CAMK1D: variants seen among roughly 807,000 people sequenced by gnomAD.
CAMK1D encodes the protein calcium/calmodulin dependent protein kinase ID.
CAMK1D carries 9 observed loss-of-function variants against 47.7 expected under a neutral mutation model. The observed-to-expected ratio is 0.19, with a 90% CI of 0.11 to 0.33. The LOEUF (loss-of-function observed/expected upper bound fraction) is 0.33. CAMK1D is among the 10% of genes least tolerant of loss of function. The pLI is 1.00. For missense variants in CAMK1D, 291 were observed against 488.7 expected (o/e 0.60, Z 3.81); for synonymous variants, 184 against 184.9 (o/e 0.99, Z 0.04).
chr10:12,390,227 T>C (rs959638894), intron 1 of CAMK1D, among the ~76,000 whole-genome samples: 10 of 152,110 alleles, frequency 6.6e-5, no homozygotes, highest in African/African-American at 2.4e-4. Flanking sequence ...TATAAAGTAG[T>C]TGTCTCTATT....
At chr10:12,430,860 C>T (rs935611826) in intron 1 of CAMK1D, among the ~76,000 whole-genome samples, 13 of 120,652 alleles carry the variant, frequency 1.1e-4, no homozygotes, top group African/African-American at 2.9e-5. Flanking sequence ...AACCGATTCT[C>T]CTGCTTCACC....
At chr10:12,368,403 TA>T (rs918679371) in intron 1 of CAMK1D, among the ~76,000 whole-genome samples, 2,147 of 142,820 alleles carry the variant, frequency 0.015, 52 homozygotes, top group African/African-American at 0.05. Flanking sequence ...AAGACCCTAT[TA>T]AAAAAAAAAA....
chr10:12,668,970 G>A (rs1202730588), intron 3 of CAMK1D, among the ~76,000 whole-genome samples: 1 of 151,900 alleles, frequency 6.6e-6, no homozygotes, highest in South Asian at 2.1e-4. Context: ...GGTGGCTCAC[G>A]CCTGCAATCC....
chr10:12,739,442 ATTT>A (rs1186963710), intron 3 of CAMK1D, among the ~76,000 whole-genome samples: 1,314 of 127,696 alleles, frequency 0.01, 19 homozygotes, highest in African/African-American at 0.037. Flanking sequence ...CACCCGGCTA[ATTT>A]TTTTTTTTTT....
At chr10:12,567,126 G>A (rs938025609) in intron 2 of CAMK1D, among the ~76,000 whole-genome samples, 2 of 152,172 alleles carry the variant, frequency 1.3e-5, no homozygotes, top group Non-Finnish European at 2.9e-5. Context: ...ACTACTTCTC[G>A]GAAGTGCAGT....
At chr10:12,801,897 C>T (rs1022974736) in intron 6 of CAMK1D, among the ~76,000 whole-genome samples, 2 of 152,208 alleles carry the variant, frequency 1.3e-5, no homozygotes, top group Non-Finnish European at 2.9e-5. Flanking sequence ...CAGTGTCACT[C>T]ACACAGTTCC....
At chr10:12,670,736 A>G (rs558553986) in intron 3 of CAMK1D, among the ~76,000 whole-genome samples, 1 of 152,116 alleles carries the variant, frequency 6.6e-6, no homozygotes, top group South Asian at 2.1e-4. Flanking sequence ...TTTAGTAGAG[A>G]TGGGGTTTCA....
intron 3 of CAMK1D, among the ~76,000 whole-genome samples, chr10:12,703,386 CAGA>C (rs1307272767): frequency 6.6e-6 from 1 of 152,176 alleles, no homozygotes; most frequent in African/African-American, 2.4e-5. Context: ...GGGCTCGGAA[CAGA>C]AGCCACCAGA....
intron 3 of CAMK1D, among the ~76,000 whole-genome samples, chr10:12,673,257 C>T (rs1840689564): frequency 6.6e-6 from 1 of 152,096 alleles, no homozygotes; most frequent in Non-Finnish European, 1.5e-5. Context: ...GGACAATTGA[C>T]AGCTTAAAAC....
intron 1 of CAMK1D, among the ~76,000 whole-genome samples, chr10:12,418,947 G>A (rs72767702): frequency 0.11 from 16,099 of 152,178 alleles, 1,065 homozygotes; most frequent in Non-Finnish European, 0.15. Context: ...CCTCAGTCGC[G>A]GGCGTGGTGT....
chr10:12,724,713 C>T (rs991141582), intron 3 of CAMK1D, among the ~76,000 whole-genome samples: 1 of 152,148 alleles, frequency 6.6e-6, no homozygotes, highest in African/African-American at 2.4e-5. Context: ...GAAGGAGATG[C>T]TTCTGTGTGA....
intron 2 of CAMK1D, among the ~76,000 whole-genome samples, chr10:12,576,389 C>T (rs1837489221): frequency 1.3e-5 from 2 of 152,164 alleles, no homozygotes; most frequent in Admixed American, 1.3e-4. Flanking sequence ...ACAGTTTTTC[C>T]ACTGACCGGA....
rs1001137262 is a variant in CAMK1D, at chr10:12,795,203, A to G, written c.641+3970A>G. 2.2e-4 allele frequency among the ~76,000 whole-genome samples: 33 copies of G among 152,176 alleles called. 1 individual carries two copies. Among genetic ancestry groups the G allele is most frequent in the African/African-American group, 7.2e-4 (30 of 41,448 alleles). ...CAGAGAGATAAGAGCATCAGACAGG[A>G]CAGGGGAGGGAGGCAAGGACCAGAG... On this transcript the variant is annotated intron_variant, in intron 6 of 10. Coordinates refer to ENST00000619168, the MANE Select transcript of CAMK1D (RefSeq NM_153498.4).
chr10:12,633,683 A>G (rs1469078197), intron 2 of CAMK1D, among the ~76,000 whole-genome samples: 1 of 152,026 alleles, frequency 6.6e-6, no homozygotes, highest in Non-Finnish European at 1.5e-5. Context: ...CTGCCTCCCC[A>G]GTAGCTGGGA....
chr10:12,534,710 T>C (rs1156362580), intron 1 of CAMK1D, among the ~76,000 whole-genome samples: 1 of 152,194 alleles, frequency 6.6e-6, no homozygotes, highest in Non-Finnish European at 1.5e-5. Flanking sequence ...CCATTATTTT[T>C]CTCTCGTCAG....
chr10:12,357,959 C>T (rs574822457), intron 1 of CAMK1D, among the ~76,000 whole-genome samples: 66 of 152,130 alleles, frequency 4.3e-4, no homozygotes, highest in African/African-American at 1.3e-3. Context: ...AAATACATGC[C>T]GTAGGTCAAG....
At chr10:12,615,482 A>G (rs1444480207) in intron 2 of CAMK1D, among the ~76,000 whole-genome samples, 2 of 141,694 alleles carry the variant, frequency 1.4e-5, no homozygotes, top group African/African-American at 2.8e-5. Context: ...GCACGTGTGT[A>G]GGTGTGTGCA....
At chr10:12,558,741 A>G (rs1230407658) in intron 2 of CAMK1D, among the ~76,000 whole-genome samples, 1 of 152,150 alleles carries the variant, frequency 6.6e-6, no homozygotes, top group African/African-American at 2.4e-5. Context: ...TAATAGTTGG[A>G]AAAACTGAGG....
Position 12,618,358 on chromosome 10 carries a change from T to C in CAMK1D, c.225-48378T>C, listed in dbSNP as rs1460257838. 3.3e-5 allele frequency among the ~76,000 whole-genome samples: 5 copies of C among 152,272 alleles called. No homozygotes were observed. In the East Asian group the frequency reaches 9.6e-4, roughly 29 times the overall value. The stretch of plus-strand genomic sequence containing the variant: ...TCTGTTGCTTCGCACTTTCAATGCA[T>C]GCTCTTTCTAACATCTGTCCGTGCT... On this transcript the variant is annotated intron_variant, in intron 2 of 10. Coordinates refer to ENST00000619168, the MANE Select transcript of CAMK1D (RefSeq NM_153498.4).
Sources: allele counts gnomAD v4.1 joint callset (sites outside exome capture counted in the v4.1 genomes callset), GRCh38; gene constraint gnomAD v4.1.1; transcripts MANE v1.5; gene names NCBI Gene and HGNC (gene_info 2026-07-23, HGNC 2026-07-21).